AOAH: variants seen among roughly 807,000 people sequenced by gnomAD.
The protein encoded by AOAH is acyloxyacyl hydrolase, also known as acyloxyacyl hydrolase (neutrophil).
A neutral mutation model predicts 92.2 loss-of-function variants in AOAH; 64 were observed. The ratio of observed to expected loss-of-function variants is 0.69; its 90% CI spans 0.57 to 0.86. The LOEUF (loss-of-function observed/expected upper bound fraction) is 0.86, where lower values mean the gene tolerates loss of function less well. Among genes scored for constraint, AOAH ranks in the 40% least tolerant of loss-of-function variants. AOAH has a pLI of 0.00. For missense variants in AOAH, 656 were observed against 694.6 expected (o/e 0.94, Z 0.62); for synonymous variants, 263 against 254.5 (o/e 1.03, Z -0.32).
intron 1 of AOAH, among the ~76,000 whole-genome samples, chr7:36,700,377 G>A (rs1373732995): frequency 2.0e-5 from 3 of 151,848 alleles, no homozygotes; most frequent in South Asian, 2.1e-4. Context: ...CTATGTTCAT[G>A]TGTATACAGT....
At chr7:36,546,924 A>C (rs926139916) in intron 15 of AOAH, among the ~76,000 whole-genome samples, 1 of 152,186 alleles carries the variant, frequency 6.6e-6, no homozygotes. Flanking sequence ...TGCTCACTGT[A>C]TATTTTAAAA....
At chr7:36,562,566 G>A (rs1787351356) in intron 13 of AOAH, among the ~76,000 whole-genome samples, 1 of 152,204 alleles carries the variant, frequency 6.6e-6, no homozygotes, top group South Asian at 2.1e-4. Flanking sequence ...AGGCCTTTAA[G>A]TCTGATTCAT....
intron 13 of AOAH, among the ~76,000 whole-genome samples, chr7:36,552,989 T>A (rs1786390211): frequency 6.6e-6 from 1 of 151,886 alleles, no homozygotes; most frequent in African/African-American, 2.4e-5. Flanking sequence ...ATTATTATAC[T>A]TTAAGTTTTA....
intron 11 of AOAH, among the ~76,000 whole-genome samples, chr7:36,608,910 A>AGGGGGGGGGGGGGGGGGG (rs1198057785): frequency 5.8e-5 from 1 of 17,236 alleles, no homozygotes; most frequent in Non-Finnish European, 1.7e-4. Context: ...TGCGGCGGGG[A>AGGGGGGGGGGGGGGGGGG]GGGGGGGGGG....
At chr7:36,695,934 A>AT (rs138945564) in intron 1 of AOAH, among the ~76,000 whole-genome samples, 23,000 of 152,132 alleles carry the variant, frequency 0.15, 2,118 homozygotes, top group South Asian at 0.25. Context: ...TCTATATTCT[A>AT]TTTTGAGTTC....
Position 36,522,520 on chromosome 7 carries a change from A to G in AOAH, c.1523-405T>C, listed in dbSNP as rs548727866. Among the ~76,000 whole-genome samples, 6 of 152,378 alleles carry G rather than the reference A, an allele frequency of 3.9e-5. No homozygotes were observed. The East Asian group carries it at 1.2e-3, about 29-fold the overall frequency. ...GTTGCCATTTGCAGACTCTGCCTGC[A>G]TGTGTCAAGCACTTGCCTTTAAAAA... On this transcript the variant is annotated intron_variant, in intron 19 of 20. Transcript: ENST00000617537.
intron 1 of AOAH, among the ~76,000 whole-genome samples, chr7:36,719,711 G>T (rs1799495634): frequency 6.6e-6 from 1 of 151,998 alleles, no homozygotes; most frequent in African/African-American, 2.4e-5. Flanking sequence ...CAGACAGATT[G>T]CTTGGGCCCA....
At chr7:36,625,792 G>T (rs62447215) in intron 6 of AOAH, among the ~76,000 whole-genome samples, 13,648 of 152,144 alleles carry the variant, frequency 0.09, 770 homozygotes, top group South Asian at 0.17. Context: ...TCCCGAGTGG[G>T]CTCAGAGGCT....
At chr7:36,536,792 T>C (rs991509797) in intron 16 of AOAH, among the ~76,000 whole-genome samples, 3 of 151,034 alleles carry the variant, frequency 2.0e-5, no homozygotes, top group African/African-American at 7.3e-5. Flanking sequence ...CTACTAAAAA[T>C]ACAAAAATTA....
At chr7:36,521,908 A>G (rs1784124693) in intron 20 of AOAH, 131 bp downstream of exon 20, 2 of 710,382 alleles carry the variant, frequency 2.8e-6, no homozygotes, top group Middle Eastern at 2.4e-4. Flanking sequence ...TATCCTATAC[A>G]TGTATGTACA....
At chr7:36,686,631 G>T in intron 2 of AOAH, 68 bp downstream of exon 2, 1 of 809,096 alleles carries the variant, frequency 1.2e-6, no homozygotes, top group Non-Finnish European at 1.8e-6. Flanking sequence ...GGAAGTAAAG[G>T]CAGTCATCAT....
chr7:36,519,751 C>T (rs1221656883), intron 20 of AOAH, among the ~76,000 whole-genome samples: 1 of 152,126 alleles, frequency 6.6e-6, no homozygotes, highest in Non-Finnish European at 1.5e-5. Flanking sequence ...TTGAACACCC[C>T]TCTCTCTCAT....
chr7:36,611,458 T>C (rs1156730979), intron 11 of AOAH, among the ~76,000 whole-genome samples: 1 of 152,226 alleles, frequency 6.6e-6, no homozygotes, highest in Non-Finnish European at 1.5e-5. Context: ...ATCAATTCAT[T>C]GCTGCAAACA....
At chr7:36,568,262 C>T (rs555974666) in intron 13 of AOAH, among the ~76,000 whole-genome samples, 1 of 152,282 alleles carries the variant, frequency 6.6e-6, no homozygotes, top group Non-Finnish European at 1.5e-5. Context: ...GTTAAGAGTC[C>T]TTCTCTTCCT....
chr7:36,626,848 A>G (rs1792700255), intron 6 of AOAH, among the ~76,000 whole-genome samples: 1 of 152,120 alleles, frequency 6.6e-6, no homozygotes, highest in South Asian at 2.1e-4. Flanking sequence ...TTAGCTCCTG[A>G]CCTTAAGTGG....
intron 4 of AOAH, among the ~76,000 whole-genome samples, chr7:36,657,420 G>A (rs1294740233): frequency 1.3e-5 from 2 of 152,166 alleles, no homozygotes; most frequent in Admixed American, 1.3e-4. Flanking sequence ...TCAAGTGTGA[G>A]CCTCTACACC....
At chr7:36,593,741 G>C (rs1404387265) in intron 12 of AOAH, among the ~76,000 whole-genome samples, 1 of 152,152 alleles carries the variant, frequency 6.6e-6, no homozygotes, top group Non-Finnish European at 1.5e-5. Flanking sequence ...GACAAGATCT[G>C]GTGTGTTCAG....
At chr7:36,559,157 G>A (rs932352130) in intron 13 of AOAH, among the ~76,000 whole-genome samples, 3 of 152,216 alleles carry the variant, frequency 2.0e-5, no homozygotes, top group Non-Finnish European at 4.4e-5. Flanking sequence ...ACTGTTATGG[G>A]CATCTAGGTT....
intron 19 of AOAH, among the ~76,000 whole-genome samples, chr7:36,524,450 G>A (rs971296955): frequency 2.0e-5 from 3 of 150,620 alleles, no homozygotes; most frequent in Admixed American, 1.3e-4. Context: ...TTCGAGACCA[G>A]CCTGGCCAAC....
Sources: gnomAD v4.1 joint callset for allele counts (sites outside exome capture counted in the v4.1 genomes callset) on GRCh38, gnomAD v4.1.1 for gene constraint, MANE v1.5 for transcripts, NCBI Gene and HGNC (gene_info 2026-07-23, HGNC 2026-07-21) for gene names.